The following OTUD5 variants were observed in gnomAD, a reference collection of about 807,000 sequenced individuals.
OTUD5 encodes OTU domain-containing protein 5.
In OTUD5, 2 loss-of-function variants were observed where a neutral mutation model predicts 36.3. The ratio of observed to expected loss-of-function variants is 0.06; its 90% CI spans 0.02 to 0.17. The LOEUF (loss-of-function observed/expected upper bound fraction) is 0.17. OTUD5 is among the 10% of genes least tolerant of loss of function. OTUD5 has a pLI of 1.00. For synonymous variants in OTUD5, 234 were observed against 214.9 expected, an observed-to-expected ratio of 1.09 and a Z score of -0.78; for missense variants, 233 against 512.3, an observed-to-expected ratio of 0.45 and a Z score of 5.26.
At chrX:48,929,826 G>A (rs1008432916) in intron 5 of OTUD5, among the ~76,000 whole-genome samples, 7 of 108,398 alleles carry the variant, frequency 6.5e-5, no homozygotes, top group East Asian at 6.0e-4. Context: ...AACCTTGGCC[G>A]GGCGCGGTGG....
In OTUD5 at chrX:48,931,778, T is replaced by TA. The variant is rs782091153; in HGVS notation, c.1059+2685dup. On this transcript the variant is annotated intron_variant, in intron 5 of 8. Transcript: ENST00000376488. ...TGGGTAACAGAGAGAAACTCTGCCT[T>TA]AAAAAAAAAAAAAAAAAAAGTATTA... is the stretch of plus-strand genomic sequence containing the variant. 8.2e-3 allele frequency among the ~76,000 whole-genome samples: 668 copies of TA among 81,208 alleles called. 6 individuals carry two copies. Among genetic ancestry groups the TA allele is most frequent in the East Asian group, 0.02 (55 of 2,742 alleles). The allele number at this position is 81,208 out of a possible 115,157, so 70.5% of individuals were successfully genotyped here. A position where few individuals can be genotyped will look rare whatever the true frequency, so the allele number is the denominator to read the frequency against.
rs1302984720 is a variant in OTUD5, at chrX:48,934,876, T to C, written c.754-9A>G. On this transcript the variant is annotated splice_polypyrimidine_tract_variant and intron_variant, in intron 3 of 8. Transcript: ENST00000376488. ...TAGTCGGCATTCTTCATCTGCAGAATAGATTGGAAGGTTAAGGTCTGTGTG... is the reference window on the plus strand; with the variant it reads ...TAGTCGGCATTCTTCATCTGCAGAACAGATTGGAAGGTTAAGGTCTGTGTG... The C allele has an allele frequency of 8.3e-6, 10 of 1,207,807 alleles. No individual in the cohort carries two copies. In the Admixed American group the frequency reaches 1.3e-4, roughly 16 times the overall value.
At chrX:48,954,276 A>G (rs1052449516) in intron 1 of OTUD5, among the ~76,000 whole-genome samples, 21 of 110,782 alleles carry the variant, frequency 1.9e-4, no homozygotes, top group African/African-American at 6.9e-4. Context: ...TTATGTTCTT[A>G]TGGGGACAAG....
At chrX:48,937,444 A>G (rs1428355309) in intron 2 of OTUD5, among the ~76,000 whole-genome samples, 1 of 112,180 alleles carries the variant, frequency 8.9e-6, no homozygotes, top group Non-Finnish European at 1.9e-5. Flanking sequence ...CCCATCTCCT[A>G]TGGAAAGGTC....
Position 48,957,375 on chromosome X carries a change from G to A in OTUD5, c.196C>T (p.Pro66Ser). The change falls in exon 1 of 9, where the codon CCG (proline) becomes TCG (serine). Residue 66 changes from proline to serine, a missense_variant. By Grantham distance (74) the Pro-to-Ser change is moderately conservative. Coordinates refer to ENST00000376488, the MANE Select transcript of OTUD5 (RefSeq NM_001136157.2). ...VVGARPRASP[P>S]PQGPLPGPPG... ...GGTCCTGGTAGCGGGCCTTGAGGCGGTGGCGAAGCTCGCGGACGGGCCCCC... is the reference window on the plus strand; with the variant it reads ...GGTCCTGGTAGCGGGCCTTGAGGCGATGGCGAAGCTCGCGGACGGGCCCCC... The A allele has an allele frequency of 8.9e-7, 1 of 1,119,646 alleles. No homozygotes were observed. The highest frequency in any genetic ancestry group is 1.2e-6 in the Non-Finnish European group (1 of 857,928). The allele number at this position is 1,119,646 out of a possible 1,213,427, so 92.3% of individuals were successfully genotyped here.
Position 48,957,007 on chromosome X carries a change from G to A in OTUD5, c.564C>T (p.Ile188=), listed in dbSNP as rs782311865. ...CGACAGTGGCAGGGTCCATAGCCTCGATGCGTGCTGCAGCCGCCTCATACT... is the reference window on the plus strand; with the variant it reads ...CGACAGTGGCAGGGTCCATAGCCTCAATGCGTGCTGCAGCCGCCTCATACT... ...EDEYEAAAAR[I]EAMDPATVEQ... is the part of the protein sequence containing the mutation. Residue 188 remains isoleucine (I), a synonymous_variant, in exon 1 of 9, where the codon ATC becomes ATT. Coordinates refer to ENST00000376488, the MANE Select transcript of OTUD5 (RefSeq NM_001136157.2). 6 of 1,195,452 alleles carry A rather than the reference G, an allele frequency of 5.0e-6. No individual in the cohort carries two copies. In the Admixed American group the frequency reaches 1.1e-4, roughly 22 times the overall value.
At chrX:48,955,471 G>T (rs1191073260) in intron 1 of OTUD5, among the ~76,000 whole-genome samples, 1 of 111,576 alleles carries the variant, frequency 9.0e-6, no homozygotes, top group Non-Finnish European at 1.9e-5. Context: ...AGTTCCTTGA[G>T]GAGGAAGCTC....
At chrX:48,951,808 C>T (rs937496802) in intron 1 of OTUD5, among the ~76,000 whole-genome samples, 1 of 112,082 alleles carries the variant, frequency 8.9e-6, no homozygotes, top group Non-Finnish European at 1.9e-5. Flanking sequence ...AATCCCAGCA[C>T]TTTGGGAGGC....
At chrX:48,957,693 C>T (rs1329979753), upstream of OTUD5, 2 of 793,671 alleles carry the variant, frequency 2.5e-6, no homozygotes, top group African/African-American at 2.4e-5. Flanking sequence ...ATAAAGGGAT[C>T]GCGGCACCGG....
chrX:48,935,334 C>G (rs1557049716), intron 2 of OTUD5, among the ~76,000 whole-genome samples: 1 of 111,387 alleles, frequency 9.0e-6, no homozygotes, highest in Non-Finnish European at 1.9e-5. Context: ...AGGTTGGCCT[C>G]AAATGCTATT....
intron 5 of OTUD5, 104 bp downstream of exon 5, chrX:48,934,360 G>T: frequency 1.6e-6 from 1 of 609,392 alleles, no homozygotes; most frequent in Non-Finnish European, 2.6e-6. Flanking sequence ...CCTCAGGGGA[G>T]AGAGGAGACA....
At chrX:48,957,837 C>A, upstream of OTUD5, 1 of 757,868 alleles carries the variant, frequency 1.3e-6, no homozygotes, top group Non-Finnish European at 1.6e-6. Context: ...TTAGCCTTCT[C>A]TCCAAGTCCA....
intron 2 of OTUD5, among the ~76,000 whole-genome samples, chrX:48,937,551 A>T (rs1247511479): frequency 8.9e-6 from 1 of 111,999 alleles, no homozygotes; most frequent in Non-Finnish European, 1.9e-5. Flanking sequence ...CAGGGAAGGG[A>T]TCTGGGGGAA....
intron 1 of OTUD5, among the ~76,000 whole-genome samples, chrX:48,953,774 G>A (rs1273514840): frequency 9.0e-6 from 1 of 111,293 alleles, no homozygotes; most frequent in African/African-American, 3.3e-5. Context: ...GGACCCCAGA[G>A]TGCCAAAAAG....
Position 48,934,778 on chromosome X carries a change from GTTGCC to G in OTUD5, c.838_842del (p.Gly280ProfsTer3). The stretch of plus-strand genomic sequence containing the variant: ...CTGCCATGGCCTGCATCTCAATGTG[GTTGCC>G]ATGGCAATTGTTTTTCCGCTTCCTG... On this transcript the variant is annotated frameshift_variant, in exon 4 of 9. Transcript: ENST00000376488. LOFTEE classifies it high-confidence loss of function. 8.3e-7 allele frequency: 1 copy of G among 1,209,899 alleles called. No homozygotes were observed. Among genetic ancestry groups the G allele is most frequent in the Non-Finnish European group, 1.1e-6 (1 of 893,752 alleles).
chrX:48,924,352 A>G (rs1326971711), intron 6 of OTUD5, among the ~76,000 whole-genome samples: 2 of 111,603 alleles, frequency 1.8e-5, no homozygotes, highest in African/African-American at 3.3e-5. Context: ...ACTGGCCACC[A>G]GTCACCTGGC....
intron 1 of OTUD5, among the ~76,000 whole-genome samples, chrX:48,949,316 G>A (rs1438475226): frequency 2.7e-5 from 3 of 112,187 alleles, no homozygotes; most frequent in East Asian, 2.8e-4. Flanking sequence ...GGGAGGCTAA[G>A]GCAGGCAGAT....
In OTUD5 at chrX:48,944,278, C is replaced by T. The variant is rs782586700; in HGVS notation, c.600G>A (p.Glu200=). ...CTCGTAGGGCCTTTTCAAACCAATG[C>T]TCCTGCTGGAGGGAAGAGGTGGGGG... ...AMDPATVEQQ[E]HWFEKALRDK... Residue 200 remains glutamate, a synonymous_variant, in exon 2 of 9, where the codon GAG becomes GAA. Coordinates refer to ENST00000376488, the MANE Select transcript of OTUD5 (RefSeq NM_001136157.2). 4.2e-6 allele frequency: 5 copies of T among 1,190,371 alleles called. No homozygotes were observed. The highest frequency in any genetic ancestry group is 5.7e-6 in the Non-Finnish European group (5 of 877,679).
rs2063590796 is a variant in OTUD5, at chrX:48,922,031, G to A, written c.*1143C>T. On this transcript the variant is annotated 3_prime_UTR_variant, in exon 9 of 9. Transcript: ENST00000376488. ...AGCAGGCAAAGACGCAGCTTTTCCA[G>A]TGGCAATAGGTCCAGAAGGAGGTTT... 9.6e-6 allele frequency: 1 copy of A among 104,331 alleles called. No individual in the cohort carries two copies. Among genetic ancestry groups the A allele is most frequent in the Non-Finnish European group, 1.9e-5 (1 of 51,760 alleles). 8.6% of individuals were successfully genotyped at this position (104,331 alleles called of 1,213,427 possible).
Sources: gnomAD v4.1 joint callset for allele counts (sites outside exome capture counted in the v4.1 genomes callset) on GRCh38, gnomAD v4.1.1 for gene constraint, MANE v1.5 for transcripts, NCBI Gene and HGNC (gene_info 2026-07-23, HGNC 2026-07-21) for gene names.